Variants in KIAA0825 observed in about 807,000 individuals in gnomAD.
KIAA0825 encodes uncharacterized protein KIAA0825.
Under a neutral mutation model 147.6 loss-of-function variants are expected in KIAA0825, and 119 were observed. The observed-to-expected ratio is 0.81, with a 90% CI of 0.69 to 0.94. The LOEUF is 0.94. Among genes scored for constraint, KIAA0825 ranks in the 40% least tolerant of loss-of-function variants. The pLI is 0.00. For missense variants in KIAA0825, 1,381 were observed against 1,472.7 expected, an observed-to-expected ratio of 0.94 and a Z score of 1.02; for synonymous variants, 470 against 518.1, an observed-to-expected ratio of 0.91 and a Z score of 1.26.
At position 94,152,850 on chromosome 5, in the gene KIAA0825, AAAAAATTATATATAT is replaced by A. The variant is rs1766636173; in HGVS notation, c.*1142_*1156del. 1.9e-4 allele frequency: 4 copies of A among 20,530 alleles called. No individual in the cohort carries two copies. Among genetic ancestry groups the A allele is most frequent in the African/African-American group, 6.7e-4 (4 of 6,000 alleles). The allele number at this position is 20,530 out of a possible 1,614,324, so 1.3% of individuals were successfully genotyped here. A position where few individuals can be genotyped will look rare whatever the true frequency, so the allele number is the denominator to read the frequency against. On this transcript the variant is annotated 3_prime_UTR_variant, in exon 21 of 21. Coordinates refer to ENST00000682413, the MANE Select transcript of KIAA0825 (RefSeq NM_001145678.3). ...AAAAAAAAAAAAAAAAAAAAAAAAA[AAAAAATTATATATAT>A]ATATATATATATATATATATATATA...
intron 2 of KIAA0825, among the ~76,000 whole-genome samples, chr5:94,563,351 C>T (rs1216583328): frequency 5.3e-5 from 7 of 132,690 alleles, no homozygotes; most frequent in Non-Finnish European, 1.0e-4. Flanking sequence ...GAGTAAGACT[C>T]CGTCTCAAAA....
intron 14 of KIAA0825, among the ~76,000 whole-genome samples, chr5:94,418,672 T>C (rs1449930391): frequency 6.6e-6 from 1 of 152,112 alleles, no homozygotes; most frequent in Non-Finnish European, 1.5e-5. Context: ...GTTCTCTTTC[T>C]ACTGGGGTTA....
intron 20 of KIAA0825, among the ~76,000 whole-genome samples, chr5:94,207,330 G>A (rs934535784): frequency 6.6e-6 from 1 of 152,152 alleles, no homozygotes; most frequent in African/African-American, 2.4e-5. Context: ...AAAGAGGTAA[G>A]TTTACATATC....
chr5:94,506,659 T>C (rs1333714065), intron 5 of KIAA0825, among the ~76,000 whole-genome samples: 1 of 152,208 alleles, frequency 6.6e-6, no homozygotes, highest in African/African-American at 2.4e-5. Context: ...ACAAAACTAT[T>C]AAATATACTT....
intron 9 of KIAA0825, 66 bp downstream of exon 9, chr5:94,471,400 C>CAAA: frequency 6.9e-7 from 1 of 1,454,414 alleles, no homozygotes; most frequent in Non-Finnish European, 9.2e-7. Context: ...AATTTCATTC[C>CAAA]TGTGATATCC....
chr5:94,454,545 A>C (rs1758842665), intron 12 of KIAA0825, among the ~76,000 whole-genome samples: 1 of 152,206 alleles, frequency 6.6e-6, no homozygotes, highest in African/African-American at 2.4e-5. Flanking sequence ...AATAGGCTTC[A>C]AAGTCAGGCT....
At chr5:94,315,587 T>C (rs1464660542) in intron 20 of KIAA0825, among the ~76,000 whole-genome samples, 1 of 151,710 alleles carries the variant, frequency 6.6e-6, no homozygotes, top group Non-Finnish European at 1.5e-5. Flanking sequence ...AAATTCTTAG[T>C]ATGTTAGTCG....
chr5:94,529,720 T>C (rs1770391924), intron 3 of KIAA0825, among the ~76,000 whole-genome samples: 1 of 152,116 alleles, frequency 6.6e-6, no homozygotes. Context: ...ATGTGTTACT[T>C]TTATAATGCA....
chr5:94,464,781 G>T, intron 11 of KIAA0825, 88 bp downstream of exon 11: 1 of 1,042,910 alleles, frequency 9.6e-7, no homozygotes, highest in Non-Finnish European at 1.4e-6. Flanking sequence ...AAATATATAA[G>T]GAGTATGTCA....
At chr5:94,488,571 A>C (rs1763339291) in intron 5 of KIAA0825, among the ~76,000 whole-genome samples, 1 of 152,116 alleles carries the variant, frequency 6.6e-6, no homozygotes, top group Non-Finnish European at 1.5e-5. Flanking sequence ...ATATAATTTT[A>C]ATAAGAATTT....
intron 5 of KIAA0825, among the ~76,000 whole-genome samples, chr5:94,507,203 A>C (rs945822270): frequency 1.3e-5 from 2 of 152,216 alleles, no homozygotes; most frequent in Non-Finnish European, 2.9e-5. Flanking sequence ...TAATCCCAGC[A>C]CTTTGGAAGG....
At chr5:94,351,408 A>C (rs1783651210) in intron 20 of KIAA0825, among the ~76,000 whole-genome samples, 1 of 152,202 alleles carries the variant, frequency 6.6e-6, no homozygotes, top group South Asian at 2.1e-4. Flanking sequence ...CTACAAGGAA[A>C]ACTACGAAAC....
rs565014984 is a variant in KIAA0825 at position 94,305,491 on chromosome 5, G to C, written c.3710+78877C>G. 2.0e-4 allele frequency among the ~76,000 whole-genome samples: 30 copies of C among 152,034 alleles called. No homozygotes were observed. In the East Asian group the frequency reaches 4.3e-3, roughly 22 times the overall value. Reference sequence around the variant, plus strand: ...AGCCTATTCCCCAGTAGGGTTTCACGATGTAAAATGAGCTAAAGGCAACTG... The same window carrying C: ...AGCCTATTCCCCAGTAGGGTTTCACCATGTAAAATGAGCTAAAGGCAACTG... On this transcript the variant is annotated intron_variant, in intron 20 of 20. Transcript: ENST00000682413.
chr5:94,563,193 A>AAC (rs1161957853), intron 2 of KIAA0825, among the ~76,000 whole-genome samples: 1 of 103,704 alleles, frequency 9.6e-6, no homozygotes, highest in Non-Finnish European at 2.3e-5. Flanking sequence ...TACCAAAAAA[A>AAC]ACAAAAAAAA....
intron 20 of KIAA0825, among the ~76,000 whole-genome samples, chr5:94,345,688 T>C (rs1171664190): frequency 4.6e-5 from 7 of 151,994 alleles, no homozygotes; most frequent in Admixed American, 4.6e-4. Context: ...CTTTAGAAAA[T>C]AAATTTCTTC....
intron 20 of KIAA0825, among the ~76,000 whole-genome samples, chr5:94,361,661 A>C (rs1745076843): frequency 6.6e-6 from 1 of 152,228 alleles, no homozygotes; most frequent in South Asian, 2.1e-4. Flanking sequence ...ATGAACAAGC[A>C]TCTATATGTA....
At chr5:94,604,416 G>A (rs775897922) in intron 1 of KIAA0825, among the ~76,000 whole-genome samples, 6 of 152,154 alleles carry the variant, frequency 3.9e-5, no homozygotes, top group Non-Finnish European at 7.4e-5. Flanking sequence ...AAAATTAGCT[G>A]GGCATGGTGA....
intron 14 of KIAA0825, among the ~76,000 whole-genome samples, chr5:94,421,664 T>C (rs1474237624): frequency 6.6e-6 from 1 of 152,222 alleles, no homozygotes; most frequent in Non-Finnish European, 1.5e-5. Flanking sequence ...GTTTAGGTTT[T>C]CTTTTCCTCT....
intron 11 of KIAA0825, among the ~76,000 whole-genome samples, chr5:94,464,432 A>C (rs1428746325): frequency 6.6e-6 from 1 of 152,196 alleles, no homozygotes; most frequent in Non-Finnish European, 1.5e-5. Flanking sequence ...TTCTTAATGA[A>C]GATAAGCTTC....
Sources: gnomAD v4.1 joint callset for allele counts (sites outside exome capture counted in the v4.1 genomes callset) on GRCh38, gnomAD v4.1.1 for gene constraint, MANE v1.5 for transcripts, NCBI Gene and HGNC (gene_info 2026-07-23, HGNC 2026-07-21) for gene names.